Variants in CHD6 observed in about 807,000 individuals in gnomAD.
CHD6 encodes the protein chromodomain helicase DNA binding protein 6.
A neutral mutation model predicts 276.9 loss-of-function variants in CHD6; 50 were observed. The observed-to-expected ratio is 0.18, with a 90% CI of 0.14 to 0.23. The LOEUF is 0.23. Among genes scored for constraint, CHD6 ranks in the 10% least tolerant of loss-of-function variants. CHD6 has a pLI of 1.00. For synonymous variants in CHD6, 1,173 were observed against 1,229.3 expected (o/e 0.95, Z 0.96); for missense variants, 2,564 against 3,365.8 (o/e 0.76, Z 5.89).
rs977837714 is a variant in CHD6, at chr20:41,446,362, G to A, written c.3774-594C>T. On this transcript the variant is annotated intron_variant, in intron 24 of 36. Transcript: ENST00000373233. ...ATTAGATCAAAATTGATCAAAAACT[G>A]CATTGTTCCTGGCCAAAGGGATGCA... is the stretch of plus-strand genomic sequence containing the variant. Among the ~76,000 whole-genome samples, 5 of 152,120 alleles carry A rather than the reference G, an allele frequency of 3.3e-5. No homozygotes were observed. In the East Asian group the frequency reaches 9.6e-4, roughly 29 times the overall value.
intron 1 of CHD6, among the ~76,000 whole-genome samples, chr20:41,608,005 T>C (rs1435966363): frequency 6.6e-6 from 1 of 152,148 alleles, no homozygotes; most frequent in African/African-American, 2.4e-5. Flanking sequence ...AGAACCAGAA[T>C]ACTGGAGTCC....
chr20:41,429,150 T>C (rs764984548), intron 27 of CHD6, among the ~76,000 whole-genome samples: 2 of 152,248 alleles, frequency 1.3e-5, no homozygotes, highest in Non-Finnish European at 2.9e-5. Context: ...ATGCATGCTT[T>C]TGACAGCATA....
chr20:41,604,055 G>A (rs1234418994), intron 1 of CHD6, among the ~76,000 whole-genome samples: 1 of 151,982 alleles, frequency 6.6e-6, no homozygotes, highest in African/African-American at 2.4e-5. Context: ...AGGGAGAACA[G>A]GGGCTGCTAA....
At position 41,405,271 on chromosome 20, in the gene CHD6, G is replaced by C; in HGVS notation, c.7470C>G (p.Ile2490Met). 4 of 1,614,164 alleles carry C rather than the reference G, an allele frequency of 2.5e-6. No homozygotes were observed. Among genetic ancestry groups the C allele is most frequent in the Non-Finnish European group, 3.4e-6 (4 of 1,180,022 alleles). Residue 2490 changes from isoleucine (I) to methionine (M), a missense_variant, in exon 37 of 37, where the codon ATC becomes ATG. By Grantham distance (10) the Ile-to-Met change is conservative. Around this residue, in one of 7 missense-constraint regions of CHD6, gnomAD observed 25 missense variants for 50.8 expected, o/e 0.49. Transcript: ENST00000373233. ...GLQNMRNMPG[I>M]PLTGLVGFPA... Reference sequence around the variant, plus strand: ...GAAACCCCACCAGCCCGGTGAGGGGGATGCCTGGCATATTTCTCATGTTCT... The same window carrying C: ...GAAACCCCACCAGCCCGGTGAGGGGCATGCCTGGCATATTTCTCATGTTCT...
At chr20:41,599,027 C>A (rs749313210) in intron 1 of CHD6, among the ~76,000 whole-genome samples, 2 of 152,150 alleles carry the variant, frequency 1.3e-5, no homozygotes, top group Non-Finnish European at 2.9e-5. Flanking sequence ...AATTTAAAGC[C>A]CAAAATCAAA....
At chr20:41,446,081 G>A (rs936197641) in intron 24 of CHD6, among the ~76,000 whole-genome samples, 2 of 152,294 alleles carry the variant, frequency 1.3e-5, no homozygotes, top group South Asian at 2.1e-4. Context: ...GTTCTAATGT[G>A]CACCTTATGT....
At chr20:41,437,411 A>G (rs1185454510) in intron 26 of CHD6, 77 bp from the exon 27 acceptor site, 2 of 947,522 alleles carry the variant, frequency 2.1e-6, no homozygotes, top group Non-Finnish European at 3.3e-6. Flanking sequence ...CTGGTCAACC[A>G]CAGTCCAAAA....
intron 1 of CHD6, chr20:41,564,137 A>C (rs1384362256): frequency 5.2e-6 from 4 of 764,784 alleles, no homozygotes; most frequent in Non-Finnish European, 9.7e-6. Flanking sequence ...CAATCATATG[A>C]GACTGACACA....
chr20:41,411,399 G>A (rs1210961158), intron 36 of CHD6, among the ~76,000 whole-genome samples: 3 of 151,728 alleles, frequency 2.0e-5, no homozygotes, highest in Non-Finnish European at 4.4e-5. Flanking sequence ...AGGCATTCAG[G>A]AAAGCTTGAG....
intron 1 of CHD6, among the ~76,000 whole-genome samples, chr20:41,608,316 TGA>T (rs1407685055): frequency 1.3e-5 from 2 of 152,170 alleles, no homozygotes; most frequent in Admixed American, 6.5e-5. Flanking sequence ...TACCGCGATA[TGA>T]GAGAGGGATG....
chr20:41,597,929 A>C (rs758735197), intron 1 of CHD6, among the ~76,000 whole-genome samples: 10 of 152,030 alleles, frequency 6.6e-5, no homozygotes, highest in Non-Finnish European at 1.3e-4. Flanking sequence ...GTTCCCTTAG[A>C]CTTGGGATAT....
chr20:41,405,499 CAAAG>C lies in CHD6; in HGVS notation c.7252-14_7252-11del. 6.5e-7 allele frequency: 1 copy of C among 1,537,910 alleles called. No individual in the cohort carries two copies. The highest frequency in any genetic ancestry group is 8.7e-7 in the Non-Finnish European group (1 of 1,143,788). On this transcript the variant is annotated splice_polypyrimidine_tract_variant and intron_variant, in intron 36 of 36. Coordinates refer to ENST00000373233, the MANE Select transcript of CHD6 (RefSeq NM_032221.5). ...TTTCTGGAAGAAACCCCTGGAAAAA[CAAAG>C]AAACACAAAATGCTGAAGGCAACAG...
rs1362926095 is a variant in CHD6 at position 41,423,566 on chromosome 20, C to T, written c.4481G>A (p.Ser1494Asn). The change falls in exon 30 of 37, where the codon AGC becomes AAC. Residue 1494 changes from serine (S) to asparagine (N), a missense_variant. Physicochemically the swap from Ser to Asn is conservative, Grantham distance 46. Transcript: ENST00000373233. ...AAAACTATAAAAATACTGTTCCAGGCTCTCATCCGACTTCTTGTCCAAACG... is the reference window on the plus strand; with the variant it reads ...AAAACTATAAAAATACTGTTCCAGGTTCTCATCCGACTTCTTGTCCAAACG... ...ISRLDKKSDE[S>N]LEQYFYSFVA... The T allele has an allele frequency of 6.2e-7, 1 of 1,614,214 alleles. No homozygotes were observed. The highest frequency in any genetic ancestry group is 8.5e-7 in the Non-Finnish European group (1 of 1,180,040).
chr20:41,554,277 A>C (rs1219594167), intron 1 of CHD6, among the ~76,000 whole-genome samples: 1 of 152,250 alleles, frequency 6.6e-6, no homozygotes, highest in Non-Finnish European at 1.5e-5. Flanking sequence ...CTGATTCACT[A>C]CCACAAACTA....
At position 41,415,303 on chromosome 20, in the gene CHD6, A is replaced by G. The variant is rs1403646882; in HGVS notation, c.6822T>C (p.Asn2274=). ...CTGCATCATCTCTTCTGAGGCTTCC[A>G]TTGACAATCTGTCCAGTCACAGGAT... ...LIHPVTGQIV[N]GSLRRDDAAT... The change falls in exon 34 of 37, where the codon AAT becomes AAC. Residue 2274 remains asparagine (N), a synonymous_variant. Coordinates refer to ENST00000373233, the MANE Select transcript of CHD6 (RefSeq NM_032221.5). 1.2e-6 allele frequency: 2 copies of G among 1,614,020 alleles called. No individual in the cohort carries two copies. Among genetic ancestry groups the G allele is most frequent in the East Asian group, 2.2e-5 (1 of 44,894 alleles).
At chr20:41,439,542 C>G (rs139735183) in intron 26 of CHD6, among the ~76,000 whole-genome samples, 2 of 152,162 alleles carry the variant, frequency 1.3e-5, no homozygotes, top group African/African-American at 4.8e-5. Flanking sequence ...CGTCAAGGAG[C>G]GGCCCCTAAA....
At chr20:41,549,161 A>G (rs2045103703) in intron 2 of CHD6, among the ~76,000 whole-genome samples, 1 of 151,948 alleles carries the variant, frequency 6.6e-6, no homozygotes, top group African/African-American at 2.4e-5. Flanking sequence ...CCAAAGGATT[A>G]TAAATCATGC....
At chr20:41,606,191 T>C (rs1275197589) in intron 1 of CHD6, among the ~76,000 whole-genome samples, 1 of 151,352 alleles carries the variant, frequency 6.6e-6, no homozygotes, top group Admixed American at 6.6e-5. Flanking sequence ...GCCTGGCCAA[T>C]ATGGTGAAAC....
At chr20:41,451,747 G>T in intron 22 of CHD6, 79 bp downstream of exon 22, 1 of 1,267,678 alleles carries the variant, frequency 7.9e-7, no homozygotes, top group Non-Finnish European at 1.2e-6. Flanking sequence ...CCAAAGCACA[G>T]CAATACGGCC....
Sources: gnomAD v4.1 joint callset for allele counts (sites outside exome capture counted in the v4.1 genomes callset) on GRCh38, gnomAD v4.1.1 for gene constraint, gnomAD v4.1.1 regional missense constraint, MANE v1.5 for transcripts, NCBI Gene and HGNC (gene_info 2026-07-23, HGNC 2026-07-21) for gene names.